Variants in AGAP1 observed in about 807,000 individuals in gnomAD.
The protein encoded by AGAP1 is arf-GAP with GTPase, ANK repeat and PH domain-containing protein 1.
Under a neutral mutation model 105.3 loss-of-function variants are expected in AGAP1, and 29 were observed. The observed-to-expected ratio is 0.28, with a 90% CI of 0.21 to 0.38. The LOEUF is 0.38. Among genes scored for constraint, AGAP1 ranks in the 10% least tolerant of loss-of-function variants. The probability of loss-of-function intolerance (pLI) is 1.00; values close to 1 mark genes in which losing one functional copy is unlikely to be tolerated. For synonymous variants in AGAP1, 509 were observed against 485.9 expected (o/e 1.05, Z -0.63); for missense variants, 998 against 1,165.1 (o/e 0.86, Z 2.09).
intron 9 of AGAP1, among the ~76,000 whole-genome samples, chr2:235,851,972 G>A (rs1028586034): frequency 1.3e-5 from 2 of 152,240 alleles, no homozygotes; most frequent in South Asian, 2.1e-4. Flanking sequence ...TGGGCAAAGC[G>A]GAGAGAGGGT....
intron 8 of AGAP1, among the ~76,000 whole-genome samples, chr2:235,804,069 G>C (rs937612600): frequency 1.3e-5 from 2 of 152,146 alleles, no homozygotes; most frequent in African/African-American, 4.8e-5. Context: ...TTTCTGCTAC[G>C]CTGCTACTGC....
intron 10 of AGAP1, among the ~76,000 whole-genome samples, chr2:235,892,187 C>T (rs1195469388): frequency 6.6e-6 from 1 of 152,054 alleles, no homozygotes; most frequent in East Asian, 1.9e-4. Flanking sequence ...GATTCCTTTC[C>T]ATTCTGCATG....
rs1431152684 is a variant in AGAP1 at position 235,752,877 on chromosome 2, GACTTTTACTTGTCCT to G, written c.673+2394_673+2408del. 6.6e-6 allele frequency among the ~76,000 whole-genome samples: 1 copy of G among 152,208 alleles called. No individual in the cohort carries two copies. Among genetic ancestry groups the G allele is most frequent in the Non-Finnish European group, 1.5e-5 (1 of 68,046 alleles). On this transcript the variant is annotated intron_variant, in intron 6 of 17. Transcript: ENST00000304032. This position sits in a 1 kb window ranked among gnomAD's most constrained non-coding sequence, Gnocchi z 4.3. The stretch of plus-strand genomic sequence containing the variant: ...ACAAGACCCAGTGGCTTATACAACA[GACTTTTACTTGTCCT>G]ACTTACGGAGGATGGGAGTCCAGGG...
At chr2:235,858,515 TA>T (rs1324338180) in intron 9 of AGAP1, among the ~76,000 whole-genome samples, 3 of 152,162 alleles carry the variant, frequency 2.0e-5, no homozygotes, top group East Asian at 1.9e-4. Flanking sequence ...TGCAGTAGGT[TA>T]GGGGGAAAAT....
At chr2:235,808,463 G>A (rs1389261059) in intron 9 of AGAP1, among the ~76,000 whole-genome samples, 2 of 152,180 alleles carry the variant, frequency 1.3e-5, no homozygotes, top group African/African-American at 2.4e-5. Context: ...AGAGGGGCCA[G>A]CCAGTGTCAG....
At chr2:235,859,673 C>T (rs1043699513) in intron 9 of AGAP1, among the ~76,000 whole-genome samples, 6 of 151,908 alleles carry the variant, frequency 3.9e-5, no homozygotes, top group African/African-American at 1.5e-4. Flanking sequence ...GTTATTTTCC[C>T]GAAGGCATTA....
At chr2:236,064,710 C>A (rs2125771338) in intron 16 of AGAP1, among the ~76,000 whole-genome samples, 1 of 152,342 alleles carries the variant, frequency 6.6e-6, no homozygotes, top group East Asian at 1.9e-4. Context: ...CTCCCACCAG[C>A]TGATTGCTGG....
intron 1 of AGAP1, among the ~76,000 whole-genome samples, chr2:235,703,457 G>T (rs891971066): frequency 1.3e-5 from 2 of 152,112 alleles, no homozygotes; most frequent in Admixed American, 6.5e-5. Context: ...TCTGTGGGTA[G>T]TTGGGCCCTT....
chr2:236,096,945 C>CT lies in AGAP1; in HGVS notation c.2115-23241dup, dbSNP rs890148035. On this transcript the variant is annotated intron_variant, in intron 16 of 17. Coordinates refer to ENST00000304032, the MANE Select transcript of AGAP1 (RefSeq NM_001037131.3). The surrounding 1 kb of genome is among the most constrained non-coding windows in gnomAD (Gnocchi z 4.4). ...TCACGTGGCCAATCCATTCATCTGACTTTTTTACCAAATGCATTGAGCTGA... is the reference window on the plus strand; with the variant it reads ...TCACGTGGCCAATCCATTCATCTGACTTTTTTTACCAAATGCATTGAGCTGA... Among the ~76,000 whole-genome samples the CT allele has an allele frequency of 2.8e-4, 42 of 152,268 alleles. No individual in the cohort carries two copies. The highest frequency in any genetic ancestry group is 1.0e-3 in the African/African-American group (42 of 41,552).
In AGAP1 at chr2:235,860,929, G is replaced by A. The variant is rs1030143971; in HGVS notation, c.1051-22416G>A. On this transcript the variant is annotated intron_variant, in intron 9 of 17. Coordinates refer to ENST00000304032, the MANE Select transcript of AGAP1 (RefSeq NM_001037131.3). ...AACAAATAGTACCAAATCTCTCCCT[G>A]TGTACGGCCGTCAGCCTCCAAGGGC... 4.6e-5 allele frequency among the ~76,000 whole-genome samples: 7 copies of A among 152,156 alleles called. 1 individual carries two copies. Among genetic ancestry groups the A allele is most frequent in the Admixed American group, 4.6e-4 (7 of 15,276 alleles).
intron 9 of AGAP1, among the ~76,000 whole-genome samples, chr2:235,809,211 G>C (rs548172352): frequency 6.6e-6 from 1 of 152,216 alleles, no homozygotes; most frequent in East Asian, 1.9e-4. Context: ...CTGCTCATCT[G>C]TGGAGGGGGC....
At chr2:235,834,205 G>A (rs1466564228) in intron 9 of AGAP1, among the ~76,000 whole-genome samples, 3 of 152,124 alleles carry the variant, frequency 2.0e-5, no homozygotes, top group Non-Finnish European at 4.4e-5. Context: ...AAAGTTCCAG[G>A]TTTTCTTTAG....
chr2:235,788,695 G>A lies in AGAP1; in HGVS notation c.674-9064G>A, dbSNP rs368078064. 1.3e-5 allele frequency among the ~76,000 whole-genome samples: 2 copies of A among 152,140 alleles called. No homozygotes were observed. The highest frequency in any genetic ancestry group is 1.3e-4 in the Admixed American group (2 of 15,274). The stretch of plus-strand genomic sequence containing the variant: ...GACTGAAGCCTGAGACATGACCCCC[G>A]AGGGTTCTCCAGACAGGATCATTTG... On this transcript the variant is annotated intron_variant, in intron 6 of 17. Coordinates refer to ENST00000304032, the MANE Select transcript of AGAP1 (RefSeq NM_001037131.3). The surrounding 1 kb of genome is among the most constrained non-coding windows in gnomAD (Gnocchi z 6.0).
At chr2:235,773,390 T>C (rs1378138338) in intron 6 of AGAP1, among the ~76,000 whole-genome samples, 4 of 152,178 alleles carry the variant, frequency 2.6e-5, no homozygotes, top group Admixed American at 6.5e-5. Context: ...AATCAAAGGC[T>C]GAAGCAAAGT....
intron 1 of AGAP1, among the ~76,000 whole-genome samples, chr2:235,704,562 C>G (rs984278795): frequency 6.6e-6 from 1 of 152,342 alleles, no homozygotes; most frequent in East Asian, 1.9e-4. Context: ...AGGAGAATCT[C>G]TTGAACTCGG....
Position 235,751,730 on chromosome 2 carries a change from C to G in AGAP1, c.673+1242C>G, listed in dbSNP as rs549616719. On this transcript the variant is annotated intron_variant, in intron 6 of 17. Coordinates refer to ENST00000304032, the MANE Select transcript of AGAP1 (RefSeq NM_001037131.3). The surrounding 1 kb of genome is among the most constrained non-coding windows in gnomAD (Gnocchi z 5.3). ...GCCTGCCGTCTCTTCCCGCGCATCT[C>G]TGCCTCTCAGATACTTACCTGTTTT... Among the ~76,000 whole-genome samples the G allele has an allele frequency of 6.6e-6, 1 of 152,350 alleles. No homozygotes were observed. Among genetic ancestry groups the G allele is most frequent in the Non-Finnish European group, 1.5e-5 (1 of 68,028 alleles).
In AGAP1 at chr2:235,741,320, C is replaced by G. The variant is rs1952569400; in HGVS notation, c.396+272C>G. Among the ~76,000 whole-genome samples the G allele has an allele frequency of 6.6e-6, 1 of 152,170 alleles. No homozygotes were observed. Among genetic ancestry groups the G allele is most frequent in the Non-Finnish European group, 1.5e-5 (1 of 68,036 alleles). ...AAAGGCAGGAAACGCACACTCTGCC[C>G]TGGTTGGGGAGCCCAGTTGAAATGA... On this transcript the variant is annotated intron_variant, in intron 4 of 17. Transcript: ENST00000304032. The surrounding 1 kb of genome is among the most constrained non-coding windows in gnomAD (Gnocchi z 4.9).
At chr2:235,697,245 A>T (rs1166786151) in intron 1 of AGAP1, among the ~76,000 whole-genome samples, 1 of 152,180 alleles carries the variant, frequency 6.6e-6, no homozygotes, top group Admixed American at 6.5e-5. Flanking sequence ...CCAAGAGGCT[A>T]AGTGACTCGC....
At position 235,981,620 on chromosome 2, in the gene AGAP1, A is replaced by G. The variant is rs1207432576; in HGVS notation, c.1645+12997A>G. 6.6e-6 allele frequency among the ~76,000 whole-genome samples: 1 copy of G among 152,188 alleles called. No individual in the cohort carries two copies. The highest frequency in any genetic ancestry group is 1.5e-5 in the Non-Finnish European group (1 of 68,040). On this transcript the variant is annotated intron_variant, in intron 13 of 17. Transcript: ENST00000304032. This position sits in a 1 kb window ranked among gnomAD's most constrained non-coding sequence, Gnocchi z 5.5. ...ATCTATTAGCAATAATATCACTATCAATTATTGACCACTGCCATGTGTCAG... is the reference window on the plus strand; with the variant it reads ...ATCTATTAGCAATAATATCACTATCGATTATTGACCACTGCCATGTGTCAG...
Sources: allele counts gnomAD v4.1 joint callset (sites outside exome capture counted in the v4.1 genomes callset), GRCh38; gene constraint gnomAD v4.1.1; non-coding constraint Gnocchi (gnomAD v3.1); transcripts MANE v1.5; gene names NCBI Gene and HGNC (gene_info 2026-07-23, HGNC 2026-07-21).